The following TARS3 variants were observed in gnomAD, a reference collection of about 807,000 sequenced individuals.
TARS3 encodes threonyl-tRNA synthetase 3.
In TARS3, 94 loss-of-function variants were observed where a neutral mutation model predicts 103.5. That is an observed-to-expected ratio of 0.91 (90% CI 0.77 to 1.08). The LOEUF (loss-of-function observed/expected upper bound fraction) is 1.08. TARS3 is among the 50% of genes least tolerant of loss of function. The pLI, the probability that TARS3 is intolerant of heterozygous loss-of-function variation, is 0.00. For synonymous variants in TARS3, 416 were observed against 355.4 expected (o/e 1.17, Z -1.92); for missense variants, 952 against 995.2 (o/e 0.96, Z 0.58).
intron 5 of TARS3, among the ~76,000 whole-genome samples, chr15:101,710,251 A>G (rs1347872940): frequency 6.6e-6 from 1 of 152,182 alleles, no homozygotes; most frequent in African/African-American, 2.4e-5. Context: ...ATACCTCACC[A>G]TAAGCATCTT....
At chr15:101,708,109 G>A (rs1323053110) in intron 6 of TARS3, among the ~76,000 whole-genome samples, 4 of 151,774 alleles carry the variant, frequency 2.6e-5, no homozygotes, top group Admixed American at 1.3e-4. Flanking sequence ...AGTCAGGCAC[G>A]GTGGCACATG....
chr15:101,659,868 C>T (rs752761546), intron 16 of TARS3, among the ~76,000 whole-genome samples: 1 of 152,218 alleles, frequency 6.6e-6, no homozygotes, highest in Non-Finnish European at 1.5e-5. Flanking sequence ...TATACACAGA[C>T]TCTCTAGCTA....
chr15:101,691,274 T>TTA (rs67629619), intron 10 of TARS3, among the ~76,000 whole-genome samples: 2,613 of 135,596 alleles, frequency 0.019, 42 homozygotes, highest in Middle Eastern at 0.1. Flanking sequence ...ACCTCAGTAT[T>TTA]TATATATATA....
chr15:101,709,007 T>C, intron 5 of TARS3, 97 bp from the exon 6 acceptor site: 1 of 770,354 alleles, frequency 1.3e-6, no homozygotes, highest in Non-Finnish European at 2.1e-6. Context: ...AATTTGAATC[T>C]GCTGTCTTAT....
intron 13 of TARS3, 80 bp from the exon 14 acceptor site, chr15:101,671,828 C>T: frequency 9.9e-6 from 11 of 1,113,936 alleles, no homozygotes; most frequent in Non-Finnish European, 1.5e-5. Context: ...GTTACTATAA[C>T]TCTTCATTAC....
intron 12 of TARS3, among the ~76,000 whole-genome samples, chr15:101,681,998 ATAC>A (rs1288570144): frequency 6.6e-6 from 1 of 152,332 alleles, no homozygotes; most frequent in African/African-American, 2.4e-5. Context: ...TTGATATTCC[ATAC>A]TACAATTTTT....
intron 3 of TARS3, among the ~76,000 whole-genome samples, chr15:101,715,419 T>C (rs888159688): frequency 6.6e-6 from 1 of 152,188 alleles, no homozygotes; most frequent in South Asian, 2.1e-4. Flanking sequence ...GTGCTGGGAT[T>C]ACAGGCGTGA....
chr15:101,669,370 GTA>G (rs1200723320), intron 15 of TARS3, among the ~76,000 whole-genome samples: 1 of 152,122 alleles, frequency 6.6e-6, no homozygotes, highest in East Asian at 1.9e-4. Flanking sequence ...TGTCAAAAAT[GTA>G]TAAAGTAAAA....
chr15:101,721,994 T>C lies in TARS3; in HGVS notation c.370-672A>G, dbSNP rs114035814. ...AGCTAATCTAAGTGTTCTGAGCACT[T>C]TTAATGTAGGCTAGGCTAAACTACG... On this transcript the variant is annotated intron_variant, in intron 2 of 18. Coordinates refer to ENST00000335968, the MANE Select transcript of TARS3 (RefSeq NM_152334.3). Among the ~76,000 whole-genome samples the C allele has an allele frequency of 1.6e-3, 243 of 152,360 alleles. 2 individuals are homozygous for C. Among genetic ancestry groups the C allele is most frequent in the Middle Eastern group, 6.8e-3 (2 of 294 alleles).
At chr15:101,656,055 G>C in intron 18 of TARS3, 1 of 1,288,864 alleles carries the variant, frequency 7.8e-7, no homozygotes, top group East Asian at 5.5e-5. Context: ...ATATTCAAGA[G>C]AAGCATAAAG....
At chr15:101,721,380 C>T in intron 2 of TARS3, 58 bp from the exon 3 acceptor site, 1 of 1,390,394 alleles carries the variant, frequency 7.2e-7, no homozygotes. Flanking sequence ...TTTCCAGCTG[C>T]TCAGCTCTGA....
At chr15:101,713,771 T>G (rs576765900) in intron 4 of TARS3, among the ~76,000 whole-genome samples, 1 of 152,316 alleles carries the variant, frequency 6.6e-6, no homozygotes, top group East Asian at 1.9e-4. Context: ...AATATCTACA[T>G]GCAGATATCA....
rs1040053187 is a variant in TARS3, at chr15:101,654,325, A to G, written c.*257T>C. 2 of 371,920 alleles carry G rather than the reference A, an allele frequency of 5.4e-6. No homozygotes were observed. Among genetic ancestry groups the G allele is most frequent in the African/African-American group, 4.2e-5 (2 of 47,810 alleles). The allele number at this position is 371,920 out of a possible 1,614,324, so 23.0% of individuals were successfully genotyped here. A position where few individuals can be genotyped will look rare whatever the true frequency, so the allele number is the denominator to read the frequency against. ...GTGTTTTGTTTCACTTTCTCGATGAATAATATTTCCCCATTTAAGTTTCTC... is the reference window on the plus strand; with the variant it reads ...GTGTTTTGTTTCACTTTCTCGATGAGTAATATTTCCCCATTTAAGTTTCTC... On this transcript the variant is annotated 3_prime_UTR_variant, in exon 19 of 19. Transcript: ENST00000335968.
chr15:101,661,244 T>G (rs1897365747), intron 16 of TARS3, among the ~76,000 whole-genome samples: 1 of 151,786 alleles, frequency 6.6e-6, no homozygotes, highest in South Asian at 2.1e-4. Flanking sequence ...CCTCTTTGAG[T>G]TTGTGCCATT....
chr15:101,661,930 T>C, intron 15 of TARS3, 114 bp from the exon 16 acceptor site: 3 of 554,992 alleles, frequency 5.4e-6, no homozygotes, highest in Admixed American at 3.8e-5. Flanking sequence ...ATCTCTCCAT[T>C]AACCTTATTT....
intron 6 of TARS3, 32 bp downstream of exon 6, chr15:101,708,761 T>C (rs1462277767): frequency 1.5e-6 from 2 of 1,372,152 alleles, no homozygotes; most frequent in African/African-American, 1.4e-5. Context: ...TTAATATTCC[T>C]AGTAAGAGGT....
rs1304376370 is a variant in TARS3 at position 101,699,502 on chromosome 15, A to ACTCC, written c.1320+1580_1320+1583dup. 6.6e-6 allele frequency: 3 copies of ACTCC among 454,676 alleles called. No individual in the cohort carries two copies. In the East Asian group the frequency reaches 2.1e-4, roughly 32 times the overall value. The allele number at this position is 454,676 out of a possible 1,614,324, so 28.2% of individuals were successfully genotyped here. ...TTTCTGTTCATTCTCCATCTATTGT[A>ACTCC]CTCCCAACTTGAGAGTACAAGGTGC... is the stretch of plus-strand genomic sequence containing the variant. On this transcript the variant is annotated intron_variant, in intron 10 of 18. Transcript: ENST00000335968.
rs1473463301 is a variant in TARS3 at position 101,721,248 on chromosome 15, T to C, written c.444A>G (p.Leu148=). The C allele has an allele frequency of 1.2e-6, 2 of 1,614,122 alleles. No homozygotes were observed. The highest frequency in any genetic ancestry group is 1.7e-6 in the Non-Finnish European group (2 of 1,179,946). Residue 148 remains leucine, a synonymous_variant, in exon 3 of 19, where the codon TTA becomes TTG. Coordinates refer to ENST00000335968, the MANE Select transcript of TARS3 (RefSeq NM_152334.3). ...CCCCCTTTTTTCCATAAATGGCAAG[T>C]AAGAGCTGATGGTCTTTCTTCAGTA... ...FEILKKDHQL[L]LAIYGKKGDT...
intron 10 of TARS3, among the ~76,000 whole-genome samples, chr15:101,700,469 C>T (rs1364213288): frequency 1.3e-5 from 2 of 152,160 alleles, no homozygotes. Flanking sequence ...GACACTTTCT[C>T]CTTTCTTCTT....
Sources: allele counts gnomAD v4.1 joint callset (sites outside exome capture counted in the v4.1 genomes callset), GRCh38; gene constraint gnomAD v4.1.1; transcripts MANE v1.5; gene names NCBI Gene and HGNC (gene_info 2026-07-23, HGNC 2026-07-21).